DSCAM: variants seen among roughly 807,000 people sequenced by gnomAD.
The protein encoded by DSCAM is cell adhesion molecule DSCAM.
A neutral mutation model predicts 217.7 loss-of-function variants in DSCAM; 47 were observed. That is an observed-to-expected ratio of 0.22 (90% CI 0.17 to 0.28). DSCAM has a LOEUF of 0.28. Ranked by LOEUF, DSCAM falls within the 10% of genes least tolerant of loss-of-function variation. DSCAM has a pLI of 1.00. For missense variants in DSCAM, 2,080 were observed against 2,618.3 expected, an observed-to-expected ratio of 0.79 and a Z score of 4.49; for synonymous variants, 1,056 against 1,015.3, an observed-to-expected ratio of 1.04 and a Z score of -0.76.
intron 3 of DSCAM, among the ~76,000 whole-genome samples, chr21:40,615,141 T>C (rs2146285619): frequency 1.3e-5 from 2 of 151,366 alleles, no homozygotes; most frequent in East Asian, 3.9e-4. Context: ...CCATCTCTAC[T>C]AAAAATACAA....
At chr21:40,292,002 G>T (rs922289410) in intron 10 of DSCAM, among the ~76,000 whole-genome samples, 1 of 152,064 alleles carries the variant, frequency 6.6e-6, no homozygotes, top group Non-Finnish European at 1.5e-5. Context: ...CAAGAGAATG[G>T]CATTAAGCTG....
intron 1 of DSCAM, among the ~76,000 whole-genome samples, chr21:40,713,303 G>T (rs1477123152): frequency 1.3e-5 from 2 of 152,164 alleles, no homozygotes; most frequent in Non-Finnish European, 2.9e-5. Flanking sequence ...TTATAGAAAA[G>T]TTTATCAGTA....
chr21:40,829,246 G>A (rs1057405276), intron 1 of DSCAM, among the ~76,000 whole-genome samples: 1 of 152,208 alleles, frequency 6.6e-6, no homozygotes, highest in Non-Finnish European at 1.5e-5. Context: ...TGATTCTTCG[G>A]TTTTCTCAGT....
At chr21:40,718,565 A>G (rs1569000584) in intron 1 of DSCAM, among the ~76,000 whole-genome samples, 1 of 152,254 alleles carries the variant, frequency 6.6e-6, no homozygotes, top group East Asian at 1.9e-4. Flanking sequence ...ACTTACTATC[A>G]TGAGAACAGC....
chr21:40,383,057 G>A (rs1381928419), intron 3 of DSCAM: 1 of 152,272 alleles, frequency 6.6e-6, no homozygotes, highest in Non-Finnish European at 1.5e-5. Flanking sequence ...TGGCTGGGCA[G>A]GTCACTCATG....
At chr21:40,395,133 T>C (rs2075167186) in intron 3 of DSCAM, among the ~76,000 whole-genome samples, 1 of 152,222 alleles carries the variant, frequency 6.6e-6, no homozygotes, top group South Asian at 2.1e-4. Context: ...TAGCATTGTA[T>C]TTTAACTTCT....
chr21:40,698,511 C>A (rs531605677), intron 2 of DSCAM, among the ~76,000 whole-genome samples: 1 of 152,264 alleles, frequency 6.6e-6, no homozygotes, highest in South Asian at 2.1e-4. Context: ...GCTTGCTAGG[C>A]AATAAATTAC....
At chr21:40,237,393 T>C (rs530137045) in intron 11 of DSCAM, among the ~76,000 whole-genome samples, 32 of 152,248 alleles carry the variant, frequency 2.1e-4, no homozygotes, top group African/African-American at 7.0e-4. Flanking sequence ...GGCCCTGGTG[T>C]GTGATGTTCC....
At chr21:40,031,172 C>G (rs1290240109) in intron 32 of DSCAM, among the ~76,000 whole-genome samples, 1 of 152,138 alleles carries the variant, frequency 6.6e-6, no homozygotes, top group Non-Finnish European at 1.5e-5. Flanking sequence ...TTGCGAAATC[C>G]TGGGCTGTGC....
intron 30 of DSCAM, 87 bp from the exon 31 acceptor site, chr21:40,044,362 A>G (rs1023617065): frequency 4.4e-6 from 6 of 1,365,110 alleles, no homozygotes; most frequent in Admixed American, 4.6e-5. Context: ...CCACCCACCC[A>G]GCACTGCCGA....
chr21:40,708,115 G>T (rs1034477713), intron 2 of DSCAM, among the ~76,000 whole-genome samples: 1 of 145,202 alleles, frequency 6.9e-6, no homozygotes, highest in Non-Finnish European at 1.5e-5. Flanking sequence ...TAGGGGAAGG[G>T]CAAGTGGGAA....
At chr21:40,231,386 CTGT>C (rs1053035804) in intron 11 of DSCAM, among the ~76,000 whole-genome samples, 2 of 152,116 alleles carry the variant, frequency 1.3e-5, no homozygotes, top group African/African-American at 4.8e-5. Flanking sequence ...AAGCCAATCT[CTGT>C]TGTTGTATCT....
At chr21:40,566,970 G>A (rs544529389) in intron 3 of DSCAM, among the ~76,000 whole-genome samples, 7 of 151,928 alleles carry the variant, frequency 4.6e-5, no homozygotes, top group Admixed American at 2.6e-4. Flanking sequence ...CTTTCAGTGC[G>A]AAGGAGAAAT....
chr21:40,288,245 A>C (rs1445627715), intron 10 of DSCAM, among the ~76,000 whole-genome samples: 1 of 152,204 alleles, frequency 6.6e-6, no homozygotes, highest in Non-Finnish European at 1.5e-5. Context: ...AATGGAAAGA[A>C]TGCAATAAAA....
intron 1 of DSCAM, among the ~76,000 whole-genome samples, chr21:40,718,522 G>C (rs964540864): frequency 6.6e-6 from 1 of 152,154 alleles, no homozygotes; most frequent in African/African-American, 2.4e-5. Context: ...AACTTGTGCA[G>C]GAAAACTTCT....
At chr21:40,301,123 C>G (rs1195017091) in intron 9 of DSCAM, among the ~76,000 whole-genome samples, 2 of 152,194 alleles carry the variant, frequency 1.3e-5, no homozygotes, top group Non-Finnish European at 2.9e-5. Context: ...CAACCTAGGA[C>G]AAGGCCCATA....
At chr21:40,690,727 C>A (rs745798800) in intron 3 of DSCAM, among the ~76,000 whole-genome samples, 3 of 152,076 alleles carry the variant, frequency 2.0e-5, no homozygotes, top group Admixed American at 6.6e-5. Flanking sequence ...AAAGTCTGTT[C>A]ACAGAGATTG....
At chr21:40,524,341 T>G (rs1422355964) in intron 3 of DSCAM, among the ~76,000 whole-genome samples, 1 of 151,740 alleles carries the variant, frequency 6.6e-6, no homozygotes, top group Non-Finnish European at 1.5e-5. Flanking sequence ...GATAATTCTC[T>G]TTTTTTTCCT....
In DSCAM at chr21:40,330,269, C is replaced by T. The variant is rs891857841; in HGVS notation, c.1783+7832G>A. On this transcript the variant is annotated intron_variant, in intron 8 of 32. Coordinates refer to ENST00000400454, the MANE Select transcript of DSCAM (RefSeq NM_001389.5). Reference sequence around the variant, plus strand: ...TATTTATGCATATATTTATATATATCAAAATATATTTATTATATTATATGC... The same window carrying T: ...TATTTATGCATATATTTATATATATTAAAATATATTTATTATATTATATGC... Among the ~76,000 whole-genome samples, 5 of 145,410 alleles carry T rather than the reference C, an allele frequency of 3.4e-5. 1 individual carries two copies. Among genetic ancestry groups the T allele is most frequent in the Non-Finnish European group, 6.0e-5 (4 of 66,632 alleles).
Sources: allele counts gnomAD v4.1 joint callset (sites outside exome capture counted in the v4.1 genomes callset), GRCh38; gene constraint gnomAD v4.1.1; transcripts MANE v1.5; gene names NCBI Gene and HGNC (gene_info 2026-07-23, HGNC 2026-07-21).